LINGO2: variants seen among roughly 807,000 people sequenced by gnomAD.
LINGO2 encodes the protein leucine rich repeat and Ig domain containing 2.
A neutral mutation model predicts 30.6 loss-of-function variants in LINGO2; 14 were observed. The observed-to-expected ratio is 0.46, with a 90% CI of 0.30 to 0.72. LINGO2 has a LOEUF of 0.72. LINGO2 is among the 30% of genes least tolerant of loss of function. The pLI, the probability that LINGO2 is intolerant of heterozygous loss-of-function variation, is 0.07. For missense variants in LINGO2, 729 were observed against 751.7 expected (o/e 0.97, Z 0.35); for synonymous variants, 317 against 288.5 (o/e 1.10, Z -1.00).
chr9:28,118,920 T>C (rs1189079959), intron 4 of LINGO2, among the ~76,000 whole-genome samples: 1 of 152,204 alleles, frequency 6.6e-6, no homozygotes, highest in African/African-American at 2.4e-5. Context: ...TGACATCTTA[T>C]ATAGAAGTTG....
At chr9:28,937,974 G>T in the LINGO2 span, among the ~76,000 whole-genome samples, 556 of 152,092 alleles carry the variant, frequency 3.7e-3, 4 homozygotes, top group African/African-American at 0.013. Flanking sequence ...AGTGTGTGTT[G>T]TTCTCCGCTA....
the LINGO2 span, among the ~76,000 whole-genome samples, chr9:28,960,173 T>G: frequency 6.6e-6 from 1 of 152,204 alleles, no homozygotes; most frequent in East Asian, 1.9e-4. Context: ...TAGTTTTAAT[T>G]AAAAAAGATA....
At chr9:29,007,493 T>C in the LINGO2 span, among the ~76,000 whole-genome samples, 6 of 152,146 alleles carry the variant, frequency 3.9e-5, no homozygotes, top group Admixed American at 6.6e-5. Flanking sequence ...CACCTACCCA[T>C]ATTTCTCAGA....
the LINGO2 span, among the ~76,000 whole-genome samples, chr9:28,781,721 T>A: frequency 1.3e-5 from 2 of 152,004 alleles, no homozygotes; most frequent in Non-Finnish European, 2.9e-5. Context: ...CAAACAAAAG[T>A]AGTCAGCACC....
chr9:28,390,253 G>A (rs182469166), intron 2 of LINGO2, among the ~76,000 whole-genome samples: 1 of 152,304 alleles, frequency 6.6e-6, no homozygotes, highest in East Asian at 1.9e-4. Flanking sequence ...GCATCCAGCA[G>A]ATGACTACAA....
chr9:28,571,692 C>T (rs544159439), intron 1 of LINGO2, among the ~76,000 whole-genome samples: 41 of 152,110 alleles, frequency 2.7e-4, no homozygotes, highest in Admixed American at 1.3e-4. Context: ...CATAGGCAGA[C>T]ATTTTAAAAT....
intron 2 of LINGO2, among the ~76,000 whole-genome samples, chr9:28,472,448 T>C (rs73439308): frequency 0.012 from 1,898 of 151,998 alleles, 38 homozygotes; most frequent in African/African-American, 0.044. Context: ...CTAATAACCA[T>C]AGAAGCATGA....
the LINGO2 span, among the ~76,000 whole-genome samples, chr9:29,038,310 T>C: frequency 1.3e-5 from 2 of 152,096 alleles, no homozygotes; most frequent in Non-Finnish European, 2.9e-5. Flanking sequence ...TACTGATAAT[T>C]GACATTAGTT....
intron 5 of LINGO2, among the ~76,000 whole-genome samples, chr9:28,001,793 A>C (rs1375554870): frequency 1.3e-5 from 2 of 152,214 alleles, no homozygotes; most frequent in African/African-American, 4.8e-5. Flanking sequence ...AGAGGCTTAC[A>C]ATCTAGTCAG....
At chr9:28,758,849 C>G in the LINGO2 span, among the ~76,000 whole-genome samples, 1 of 152,032 alleles carries the variant, frequency 6.6e-6, no homozygotes, top group Admixed American at 6.5e-5. Context: ...CTTACTGGAT[C>G]CATTTACTAA....
At chr9:28,160,854 T>C (rs1460502646) in intron 4 of LINGO2, among the ~76,000 whole-genome samples, 1 of 152,124 alleles carries the variant, frequency 6.6e-6, no homozygotes, top group Non-Finnish European at 1.5e-5. Context: ...ATTTATTAGC[T>C]CCATATCTCA....
At chr9:28,755,747 C>G in the LINGO2 span, among the ~76,000 whole-genome samples, 1 of 151,948 alleles carries the variant, frequency 6.6e-6, no homozygotes, top group Non-Finnish European at 1.5e-5. Flanking sequence ...CAGAAGAAAA[C>G]GGAGAAGGAC....
chr9:28,229,212 CAGTT>C (rs945807642), intron 4 of LINGO2, among the ~76,000 whole-genome samples: 23 of 151,744 alleles, frequency 1.5e-4, no homozygotes, highest in Middle Eastern at 3.4e-3. Flanking sequence ...ATATATAGCA[CAGTT>C]AAATTATATT....
At chr9:28,105,568 G>A (rs908663782) in intron 4 of LINGO2, among the ~76,000 whole-genome samples, 6 of 152,156 alleles carry the variant, frequency 3.9e-5, no homozygotes, top group African/African-American at 1.4e-4. Context: ...ACTGAACTGT[G>A]TTCCCCCCAA....
intron 1 of LINGO2, among the ~76,000 whole-genome samples, chr9:28,603,012 AAAG>A: frequency 6.6e-6 from 1 of 152,116 alleles, no homozygotes; most frequent in Non-Finnish European, 1.5e-5. Flanking sequence ...ACTTTTGGAT[AAAG>A]AAGATGTCCA....
In LINGO2 at chr9:28,040,853, T is replaced by C. The variant is rs117839845; in HGVS notation, c.-86-28448A>G. Among the ~76,000 whole-genome samples the C allele has an allele frequency of 3.4e-3, 518 of 152,284 alleles. 2 individuals carry two copies. The highest frequency in any genetic ancestry group is 6.2e-3 in the Non-Finnish European group (419 of 68,010). On this transcript the variant is annotated intron_variant, in intron 4 of 5. Transcript: ENST00000379992. ...TCACTTATTTTCCCACTAAAAAATATACTCTGCTACTTTGATCTACTGCCT... is the reference window on the plus strand; with the variant it reads ...TCACTTATTTTCCCACTAAAAAATACACTCTGCTACTTTGATCTACTGCCT...
intron 4 of LINGO2, among the ~76,000 whole-genome samples, chr9:28,212,715 T>C: frequency 6.6e-6 from 1 of 151,442 alleles, no homozygotes; most frequent in Middle Eastern, 3.4e-3. Context: ...TTAAATAAAA[T>C]TTAAAAATCA....
the LINGO2 span, among the ~76,000 whole-genome samples, chr9:28,737,567 C>T: frequency 4.6e-5 from 7 of 152,224 alleles, no homozygotes; most frequent in South Asian, 8.3e-4. Flanking sequence ...AGCTAAAGCA[C>T]GGCAGAGCAA....
In LINGO2 at chr9:27,950,717, G is replaced by A. The variant is rs201021626; in HGVS notation, c.-35-11C>T. The A allele has an allele frequency of 1.7e-5, 25 of 1,437,094 alleles. 1 individual carries two copies. Among genetic ancestry groups the A allele is most frequent in the Non-Finnish European group, 2.2e-5 (24 of 1,086,450 alleles). 89.0% of individuals were successfully genotyped at this position (1,437,094 alleles called of 1,614,324 possible). A position where few individuals can be genotyped will look rare whatever the true frequency, so the allele number is the denominator to read the frequency against. On this transcript the variant is annotated splice_polypyrimidine_tract_variant and intron_variant, in intron 5 of 5. Coordinates refer to ENST00000379992, the Ensembl canonical transcript of LINGO2. ...ACCTTGGTCACGGGTCTGCATGGAA[G>A]GGACACAAGAAGGGAGGAAGAGAAG...
Sources: allele counts gnomAD v4.1 joint callset (sites outside exome capture counted in the v4.1 genomes callset), GRCh38; gene constraint gnomAD v4.1.1; transcripts MANE v1.5; gene names NCBI Gene and HGNC (gene_info 2026-07-23, HGNC 2026-07-21).